CDH20: variants seen among roughly 807,000 people sequenced by gnomAD.
CDH20 encodes cadherin 20.
CDH20 carries 29 observed loss-of-function variants against 74.2 expected under a neutral mutation model. The observed-to-expected ratio is 0.39, with a 90% CI of 0.29 to 0.53. The LOEUF is 0.53. Among genes scored for constraint, CDH20 ranks in the 20% least tolerant of loss-of-function variants. The pLI, the probability that CDH20 is intolerant of heterozygous loss-of-function variation, is 0.69. For synonymous variants in CDH20, 469 were observed against 405.4 expected (o/e 1.16, Z -1.88); for missense variants, 988 against 1,048.3 (o/e 0.94, Z 0.79).
At chr18:61,430,736 G>T (rs1195731260) in intron 1 of CDH20, among the ~76,000 whole-genome samples, 3 of 151,946 alleles carry the variant, frequency 2.0e-5, no homozygotes, top group Admixed American at 6.6e-5. Flanking sequence ...TTCCAGCTTT[G>T]GCCCTTGGGA....
At chr18:61,361,023 C>T (rs765554772) in intron 1 of CDH20, among the ~76,000 whole-genome samples, 7 of 152,196 alleles carry the variant, frequency 4.6e-5, no homozygotes, top group Non-Finnish European at 8.8e-5. Flanking sequence ...GTTCTTGGTA[C>T]TATATCATTA....
chr18:61,498,154 C>T (rs1053292504), intron 2 of CDH20, among the ~76,000 whole-genome samples: 3 of 152,120 alleles, frequency 2.0e-5, no homozygotes, highest in Admixed American at 6.5e-5. Flanking sequence ...AATCCCAGCA[C>T]TTTGGGAGGC....
At chr18:61,376,294 T>TTGAATTTTTACATG (rs1395210842) in intron 1 of CDH20, among the ~76,000 whole-genome samples, 1 of 152,152 alleles carries the variant, frequency 6.6e-6, no homozygotes, top group Non-Finnish European at 1.5e-5. Context: ...TATATTTTTG[T>TTGAATTTTTACATG]TGAATTTTTA....
At chr18:61,521,066 CTA>C (rs199664307) in intron 6 of CDH20, among the ~76,000 whole-genome samples, 6,037 of 151,034 alleles carry the variant, frequency 0.04, 256 homozygotes, top group Middle Eastern at 0.11. Flanking sequence ...CAAGAAGTAA[CTA>C]AGATCAGAGC....
chr18:61,373,408 C>T (rs1390224510), intron 1 of CDH20, among the ~76,000 whole-genome samples: 3 of 151,978 alleles, frequency 2.0e-5, no homozygotes, highest in African/African-American at 2.4e-5. Context: ...GACTATTACC[C>T]GAGACTACTT....
chr18:61,474,548 G>A (rs1011403258), intron 1 of CDH20, among the ~76,000 whole-genome samples: 1 of 152,072 alleles, frequency 6.6e-6, no homozygotes. Context: ...CTGGTTCCTC[G>A]GGATTCTACT....
chr18:61,510,015 G>C (rs1339624968), intron 6 of CDH20, among the ~76,000 whole-genome samples: 1 of 152,182 alleles, frequency 6.6e-6, no homozygotes, highest in East Asian at 1.9e-4. Flanking sequence ...TTCAGTTCTG[G>C]ACATACATGT....
intron 5 of CDH20, among the ~76,000 whole-genome samples, chr18:61,505,824 C>A (rs913606365): frequency 4.6e-5 from 7 of 152,186 alleles, no homozygotes; most frequent in Non-Finnish European, 1.0e-4. Context: ...TCGCTGCTTC[C>A]TCTTTTTTGA....
At chr18:61,473,376 C>CA (rs1383103671) in intron 1 of CDH20, among the ~76,000 whole-genome samples, 1 of 152,154 alleles carries the variant, frequency 6.6e-6, no homozygotes, top group Admixed American at 6.6e-5. Context: ...GAAACGTTTG[C>CA]AAAATCTTTT....
intron 10 of CDH20, among the ~76,000 whole-genome samples, chr18:61,545,400 G>C (rs1913211916): frequency 6.6e-6 from 1 of 151,502 alleles, no homozygotes; most frequent in Non-Finnish European, 1.5e-5. Context: ...GAGCCACCGT[G>C]CCCAGCCTCA....
At chr18:61,515,502 T>A (rs1911967449) in intron 6 of CDH20, among the ~76,000 whole-genome samples, 1 of 152,122 alleles carries the variant, frequency 6.6e-6, no homozygotes, top group African/African-American at 2.4e-5. Flanking sequence ...GAGCTGTTCC[T>A]ATTCGGCCAT....
intron 1 of CDH20, among the ~76,000 whole-genome samples, chr18:61,412,534 T>C (rs548287672): frequency 3.3e-5 from 5 of 152,100 alleles, no homozygotes; most frequent in Non-Finnish European, 7.4e-5. Flanking sequence ...GGTTTGTTTA[T>C]AATAAATAGA....
chr18:61,520,954 GC>G (rs1272909300), intron 6 of CDH20, among the ~76,000 whole-genome samples: 3 of 151,190 alleles, frequency 2.0e-5, no homozygotes, highest in Non-Finnish European at 4.4e-5. Context: ...AACACTAAAT[GC>G]CCACAGGAGA....
At chr18:61,526,712 G>A (rs978930991) in intron 6 of CDH20, among the ~76,000 whole-genome samples, 5 of 152,068 alleles carry the variant, frequency 3.3e-5, no homozygotes, top group African/African-American at 1.2e-4. Flanking sequence ...AAATTCTGAA[G>A]ATAGGAATAA....
chr18:61,380,906 C>T (rs540781655), intron 1 of CDH20, among the ~76,000 whole-genome samples: 93 of 152,250 alleles, frequency 6.1e-4, no homozygotes, highest in African/African-American at 2.2e-3. Context: ...GTAATATAAA[C>T]GGCTTCTGAT....
chr18:61,358,928 C>CTT (rs11422321), intron 1 of CDH20, among the ~76,000 whole-genome samples: 5 of 151,876 alleles, frequency 3.3e-5, no homozygotes, highest in African/African-American at 1.2e-4. Flanking sequence ...GTGCAATGGA[C>CTT]TTTTTTTTCT....
chr18:61,400,947 C>T (rs1048204526), intron 1 of CDH20, among the ~76,000 whole-genome samples: 4 of 152,162 alleles, frequency 2.6e-5, no homozygotes, highest in Non-Finnish European at 4.4e-5. Context: ...GAGGAAGTGG[C>T]TGCTATTTAG....
intron 1 of CDH20, among the ~76,000 whole-genome samples, chr18:61,424,951 G>A (rs933910836): frequency 1.3e-5 from 2 of 151,932 alleles, no homozygotes; most frequent in Non-Finnish European, 2.9e-5. Flanking sequence ...AGGTTCTTGA[G>A]CTTCTAAAAT....
chr18:61,432,635 G>C (rs1913295271), intron 1 of CDH20, among the ~76,000 whole-genome samples: 1 of 152,136 alleles, frequency 6.6e-6, no homozygotes, highest in Non-Finnish European at 1.5e-5. Context: ...CTCTGCTCCT[G>C]TCCACCTTGT....
Sources: allele counts gnomAD v4.1 joint callset (sites outside exome capture counted in the v4.1 genomes callset), GRCh38; gene constraint gnomAD v4.1.1; transcripts MANE v1.5; gene names NCBI Gene and HGNC (gene_info 2026-07-23, HGNC 2026-07-21).